The following PPARGC1A variants were observed in gnomAD, a reference collection of about 807,000 sequenced individuals.
PPARGC1A encodes the protein peroxisome proliferator-activated receptor gamma coactivator 1-alpha.
A neutral mutation model predicts 88.7 loss-of-function variants in PPARGC1A; 25 were observed. The observed-to-expected ratio is 0.28, with a 90% CI of 0.21 to 0.39. The LOEUF is 0.39. Among genes scored for constraint, PPARGC1A ranks in the 10% least tolerant of loss-of-function variants. The pLI is 1.00. For missense variants in PPARGC1A, 880 were observed against 968.7 expected, an observed-to-expected ratio of 0.91 and a Z score of 1.22; for synonymous variants, 363 against 355.6, an observed-to-expected ratio of 1.02 and a Z score of -0.24.
At chr4:24,238,469 G>C in the PPARGC1A span, among the ~76,000 whole-genome samples, 1 of 152,028 alleles carries the variant, frequency 6.6e-6, no homozygotes, top group African/African-American at 2.4e-5. Flanking sequence ...AGCCAAATGA[G>C]ATCACTCAGC....
At chr4:24,190,941 G>T in the PPARGC1A span, among the ~76,000 whole-genome samples, 1 of 66,948 alleles carries the variant, frequency 1.5e-5, no homozygotes, top group Non-Finnish European at 4.0e-5. Context: ...GAAGGCTCCT[G>T]CAGGGTGCCT....
intron 2 of PPARGC1A, among the ~76,000 whole-genome samples, chr4:23,871,051 A>C (rs1466958821): frequency 6.6e-6 from 1 of 152,154 alleles, no homozygotes; most frequent in Non-Finnish European, 1.5e-5. Flanking sequence ...TTGCCATTGA[A>C]AGACAAATTA....
chr4:24,079,612 A>T, the PPARGC1A span, among the ~76,000 whole-genome samples: 1 of 152,012 alleles, frequency 6.6e-6, no homozygotes, highest in Admixed American at 6.6e-5. Context: ...ACATTTTTAC[A>T]TAGTCAAAAT....
At chr4:23,852,004 C>G (rs896025189) in intron 2 of PPARGC1A, among the ~76,000 whole-genome samples, 2 of 152,146 alleles carry the variant, frequency 1.3e-5, no homozygotes, top group Non-Finnish European at 2.9e-5. Flanking sequence ...CAAGCTGGTC[C>G]ACAACCAAGA....
At chr4:23,873,612 T>C (rs1714044146) in intron 2 of PPARGC1A, among the ~76,000 whole-genome samples, 1 of 91,526 alleles carries the variant, frequency 1.1e-5, no homozygotes, top group South Asian at 3.8e-4. Flanking sequence ...AATTTTTTTC[T>C]GCATCTCTTT....
intron 12 of PPARGC1A, among the ~76,000 whole-genome samples, chr4:23,799,082 T>C (rs1236813609): frequency 6.6e-6 from 1 of 152,180 alleles, no homozygotes; most frequent in Non-Finnish European, 1.5e-5. Context: ...TGTCACATCA[T>C]TTTTGCTTTA....
At chr4:24,453,629 A>T in the PPARGC1A span, among the ~76,000 whole-genome samples, 1 of 152,174 alleles carries the variant, frequency 6.6e-6, no homozygotes, top group Non-Finnish European at 1.5e-5. Context: ...AATACAAAAA[A>T]ATTAGCTGGG....
chr4:24,130,731 G>A, the PPARGC1A span, among the ~76,000 whole-genome samples: 15 of 152,082 alleles, frequency 9.9e-5, no homozygotes, highest in Admixed American at 3.3e-4. Context: ...GAAGTAGAAA[G>A]TTCTAACATT....
chr4:24,262,774 T>G, the PPARGC1A span, among the ~76,000 whole-genome samples: 17 of 152,220 alleles, frequency 1.1e-4, no homozygotes, highest in African/African-American at 3.6e-4. Flanking sequence ...CTCCCTGGTT[T>G]TTTTTTTTAA....
the PPARGC1A span, among the ~76,000 whole-genome samples, chr4:24,228,714 A>T: frequency 1.1e-4 from 17 of 152,350 alleles, no homozygotes; most frequent in Non-Finnish European, 2.4e-4. Context: ...AGAAGCTCCC[A>T]ACAATGAGGA....
chr4:24,344,012 G>A, the PPARGC1A span, among the ~76,000 whole-genome samples: 1 of 151,854 alleles, frequency 6.6e-6, no homozygotes, highest in Non-Finnish European at 1.5e-5. Flanking sequence ...CCATTTCTGA[G>A]TTACCTCACT....
At chr4:23,956,654 A>G in the PPARGC1A span, among the ~76,000 whole-genome samples, 11 of 152,010 alleles carry the variant, frequency 7.2e-5, no homozygotes, top group African/African-American at 2.7e-4. Flanking sequence ...CCACTTTGAA[A>G]TCTTTCCTCT....
At chr4:24,464,762 C>T in the PPARGC1A span, among the ~76,000 whole-genome samples, 53 of 152,162 alleles carry the variant, frequency 3.5e-4, no homozygotes, top group Non-Finnish European at 1.5e-5. Context: ...TGCTCTTCCA[C>T]ATTCCATTAA....
At chr4:24,156,417 T>C in the PPARGC1A span, among the ~76,000 whole-genome samples, 2 of 152,068 alleles carry the variant, frequency 1.3e-5, no homozygotes, top group Non-Finnish European at 2.9e-5. Context: ...CTTTGGTGCC[T>C]GCTCAATTCA....
chr4:24,409,075 G>T, the PPARGC1A span, among the ~76,000 whole-genome samples: 1 of 152,168 alleles, frequency 6.6e-6, no homozygotes, highest in African/African-American at 2.4e-5. Flanking sequence ...CTGGATCATA[G>T]AAAGTCATTA....
the PPARGC1A span, among the ~76,000 whole-genome samples, chr4:24,002,809 C>A: frequency 3.9e-4 from 60 of 152,138 alleles, 1 homozygote. Flanking sequence ...TGGCATGCCA[C>A]GTATGCCCAC....
chr4:24,185,014 C>T, the PPARGC1A span, among the ~76,000 whole-genome samples: 3 of 152,118 alleles, frequency 2.0e-5, no homozygotes, highest in Admixed American at 6.5e-5. Flanking sequence ...ATTTTGTTCA[C>T]GGTATAACAG....
chr4:23,959,317 G>A, the PPARGC1A span, among the ~76,000 whole-genome samples: 227 of 152,284 alleles, frequency 1.5e-3, 1 homozygote, highest in African/African-American at 5.2e-3. Context: ...TGGCTGCCCA[G>A]TCTCCAAATT....
chr4:24,444,081 A>G, the PPARGC1A span, among the ~76,000 whole-genome samples: 1 of 152,022 alleles, frequency 6.6e-6, no homozygotes, highest in African/African-American at 2.4e-5. Context: ...TATGTTGCCC[A>G]GACTGGAGTG....
Sources: gnomAD v4.1 joint callset for allele counts (sites outside exome capture counted in the v4.1 genomes callset) on GRCh38, gnomAD v4.1.1 for gene constraint, MANE v1.5 for transcripts, NCBI Gene and HGNC (gene_info 2026-07-23, HGNC 2026-07-21) for gene names.